The following ARHGAP21 variants were observed in gnomAD, a reference collection of about 807,000 sequenced individuals.
ARHGAP21 encodes the protein Rho GTPase activating protein 21, also known as rho GTPase-activating protein 21.
Under a neutral mutation model 164.6 loss-of-function variants are expected in ARHGAP21, and 38 were observed. That is an observed-to-expected ratio of 0.23 (90% CI 0.18 to 0.30). ARHGAP21 has a LOEUF of 0.30. ARHGAP21 is among the 10% of genes least tolerant of loss of function. The pLI, the probability that ARHGAP21 is intolerant of heterozygous loss-of-function variation, is 1.00. For synonymous variants in ARHGAP21, 766 were observed against 857.9 expected, an observed-to-expected ratio of 0.89 and a Z score of 1.87; for missense variants, 1,822 against 2,370.7, an observed-to-expected ratio of 0.77 and a Z score of 4.81.
intron 3 of ARHGAP21, among the ~76,000 whole-genome samples, chr10:24,668,452 T>C (rs1840398312): frequency 6.6e-6 from 1 of 152,150 alleles, no homozygotes; most frequent in Non-Finnish European, 1.5e-5. Context: ...GTGTGTGTGC[T>C]CTGCAATGGG....
At chr10:24,647,545 A>G (rs957247883) in intron 4 of ARHGAP21, among the ~76,000 whole-genome samples, 3 of 152,208 alleles carry the variant, frequency 2.0e-5, no homozygotes, top group Non-Finnish European at 4.4e-5. Context: ...GTTAGATACT[A>G]ACATAGTAAA....
At chr10:24,702,591 T>C (rs1253729439) in intron 2 of ARHGAP21, among the ~76,000 whole-genome samples, 1 of 151,798 alleles carries the variant, frequency 6.6e-6, no homozygotes, top group African/African-American at 2.4e-5. Context: ...TGGTTTTTTG[T>C]TTTTTGGTTT....
intron 25 of ARHGAP21, among the ~76,000 whole-genome samples, chr10:24,586,381 G>A (rs1377044931): frequency 1.2e-4 from 18 of 152,232 alleles, no homozygotes; most frequent in African/African-American, 4.3e-4. Context: ...TGTGCTTAGT[G>A]CTGATTCCTA....
Position 24,604,355 on chromosome 10 carries a change from G to T in ARHGAP21, c.2685-7C>A. 1 of 1,581,072 alleles carries T rather than the reference G, an allele frequency of 6.3e-7. No individual in the cohort carries two copies. Among genetic ancestry groups the T allele is most frequent in the Non-Finnish European group, 8.6e-7 (1 of 1,163,868 alleles). On this transcript the variant is annotated splice_region_variant and splice_polypyrimidine_tract_variant and intron_variant, in intron 11 of 25. Coordinates refer to ENST00000396432, the MANE Select transcript of ARHGAP21 (RefSeq NM_020824.4). ...AGATACGTGCTTAAAGGACCTGTTG[G>T]GGAAAAAATATATAAATATTTTCAA...
chr10:24,710,993 C>T (rs528981946), intron 2 of ARHGAP21, among the ~76,000 whole-genome samples: 1 of 149,046 alleles, frequency 6.7e-6, no homozygotes, highest in East Asian at 2.0e-4. Flanking sequence ...ACTTGGGAGG[C>T]TGAGGCAGGT....
At chr10:24,628,821 A>T (rs1382973862) in intron 7 of ARHGAP21, among the ~76,000 whole-genome samples, 2 of 145,094 alleles carry the variant, frequency 1.4e-5, no homozygotes, top group East Asian at 2.0e-4. Context: ...ATATACATAT[A>T]CACACATATA....
rs3748219 is a variant in ARHGAP21 at position 24,591,447 on chromosome 10, T to C, written c.4045-117A>G. 1,480 of 1,106,640 alleles carry C rather than the reference T, an allele frequency of 1.3e-3. 21 individuals carry two copies. In the East Asian group the frequency reaches 0.028, roughly 21 times the overall value. 68.6% of individuals were successfully genotyped at this position (1,106,640 alleles called of 1,614,324 possible). On this transcript the variant is annotated intron_variant, in intron 23 of 25. Transcript: ENST00000396432. The stretch of plus-strand genomic sequence containing the variant: ...GTAAAGCACCTGTGCTTAATGTGTT[T>C]ACATTGTTTACGCATAATTAACTGC...
At chr10:24,689,780 G>GTGTATATATA (rs1397236422) in intron 2 of ARHGAP21, among the ~76,000 whole-genome samples, 1 of 150,754 alleles carries the variant, frequency 6.6e-6, no homozygotes, top group African/African-American at 2.4e-5. Context: ...ATATATGTGT[G>GTGTATATATA]TGTATATATA....
chr10:24,614,845 T>C (rs542602353), intron 9 of ARHGAP21, among the ~76,000 whole-genome samples: 21 of 150,476 alleles, frequency 1.4e-4, no homozygotes, highest in African/African-American at 4.4e-4. Flanking sequence ...TAAATAAGCA[T>C]AGCAATCTAT....
intron 24 of ARHGAP21, chr10:24,590,603 A>G: frequency 2.1e-6 from 3 of 1,408,744 alleles, no homozygotes; most frequent in Non-Finnish European, 2.8e-6. Context: ...TTAGTGCAAC[A>G]GTTTGGCAGG....
intron 9 of ARHGAP21, among the ~76,000 whole-genome samples, chr10:24,614,220 T>C (rs536913349): frequency 6.6e-6 from 1 of 152,278 alleles, no homozygotes; most frequent in East Asian, 1.9e-4. Context: ...AAAAGCCACT[T>C]AACTTTTCTG....
intron 24 of ARHGAP21, chr10:24,590,940 T>TAAAAAAAAAAAAAAAAAAAA (rs901265529): frequency 1.5e-6 from 1 of 680,388 alleles, no homozygotes; most frequent in Non-Finnish European, 1.8e-6. Context: ...AACTGTGAAT[T>TAAAAAAAAAAAAAAAAAAAA]AAAAAAAAAA....
intron 9 of ARHGAP21, among the ~76,000 whole-genome samples, chr10:24,612,353 G>A (rs535339688): frequency 5.9e-5 from 9 of 152,222 alleles, no homozygotes; most frequent in African/African-American, 2.2e-4. Flanking sequence ...TGAAAGAAAT[G>A]GCAACTAACC....
chr10:24,623,830 G>A (rs1834818843), intron 7 of ARHGAP21, among the ~76,000 whole-genome samples: 1 of 152,160 alleles, frequency 6.6e-6, no homozygotes, highest in African/African-American at 2.4e-5. Context: ...ATTCACCATG[G>A]AGGCCATTTT....
chr10:24,614,767 A>T (rs2077404905), intron 9 of ARHGAP21, among the ~76,000 whole-genome samples: 1 of 131,962 alleles, frequency 7.6e-6, no homozygotes, highest in Non-Finnish European at 1.6e-5. Context: ...TGGGTGACAG[A>T]GTGAGACTCC....
chr10:24,685,763 C>T (rs1383734998), intron 2 of ARHGAP21, among the ~76,000 whole-genome samples: 3 of 152,154 alleles, frequency 2.0e-5, no homozygotes, highest in Non-Finnish European at 4.4e-5. Flanking sequence ...GTAATCCCAG[C>T]TACTCAGGAG....
intron 2 of ARHGAP21, among the ~76,000 whole-genome samples, chr10:24,673,696 T>C (rs1159437214): frequency 6.6e-6 from 1 of 151,990 alleles, no homozygotes; most frequent in Non-Finnish European, 1.5e-5. Context: ...ACCTCATCTC[T>C]ACTAAAAATA....
intron 16 of ARHGAP21, 115 bp downstream of exon 16, chr10:24,597,332 T>G: frequency 1.6e-3 from 2,052 of 1,292,698 alleles, no homozygotes; most frequent in Non-Finnish European, 1.9e-3. Flanking sequence ...CTATGAATTT[T>G]GAGCTAGTTG....
intron 2 of ARHGAP21, among the ~76,000 whole-genome samples, chr10:24,678,323 GTA>G (rs1841469156): frequency 6.6e-6 from 1 of 152,088 alleles, no homozygotes; most frequent in Non-Finnish European, 1.5e-5. Flanking sequence ...TTATGTAAGT[GTA>G]TATACCCACC....
Sources: allele counts gnomAD v4.1 joint callset (sites outside exome capture counted in the v4.1 genomes callset), GRCh38; gene constraint gnomAD v4.1.1; transcripts MANE v1.5; gene names NCBI Gene and HGNC (gene_info 2026-07-23, HGNC 2026-07-21).